The following CA7 variants were observed in gnomAD, a reference collection of about 807,000 sequenced individuals.
CA7 encodes the protein carbonate dehydratase VII.
CA7 carries 13 observed loss-of-function variants against 31.4 expected under a neutral mutation model. The ratio of observed to expected loss-of-function variants is 0.41; its 90% CI spans 0.27 to 0.66. The LOEUF (loss-of-function observed/expected upper bound fraction) is 0.66, where lower values mean the gene tolerates loss of function less well. CA7 is among the 30% of genes least tolerant of loss of function. CA7 has a pLI of 0.28. For synonymous variants in CA7, 128 were observed against 133.2 expected (o/e 0.96, Z 0.27); for missense variants, 215 against 351.0 (o/e 0.61, Z 3.10).
Position 66,851,699 on chromosome 16 carries a change from A to C in CA7, c.489A>C (p.Thr163=), listed in dbSNP as rs1213990609. 6.2e-7 allele frequency: 1 copy of C among 1,614,130 alleles called. No homozygotes were observed. The highest frequency in any genetic ancestry group is 8.5e-7 in the Non-Finnish European group (1 of 1,180,002). ...AGCACCCCAGCATGAATCGTCTGAC[A>C]GATGCGCTCTACATGGTCCGGTTCA... ...GDEHPSMNRL[T]DALYMVRFKG... Residue 163 remains threonine (T), a synonymous_variant, in exon 5 of 7, where the codon ACA becomes ACC. Transcript: ENST00000338437.
Position 66,844,542 on chromosome 16 carries a change from C to T in CA7, c.40+15C>T. ...CCAGGACGACGGTAGGCACAGACCTCCCCCACCGCCTCTGGCTCGGACCCC... is the reference window on the plus strand; with the variant it reads ...CCAGGACGACGGTAGGCACAGACCTTCCCCACCGCCTCTGGCTCGGACCCC... On this transcript the variant is annotated intron_variant, in intron 1 of 6. Transcript: ENST00000338437. 1 of 1,538,142 alleles carries T rather than the reference C, an allele frequency of 6.5e-7. No individual in the cohort carries two copies. The highest frequency in any genetic ancestry group is 8.8e-7 in the Non-Finnish European group (1 of 1,141,038).
At position 66,851,471 on chromosome 16, in the gene CA7, G is replaced by A. The variant is rs753033289; in HGVS notation, c.366G>A (p.Leu122=). ...DGKSFPSELH[L]VHWNAKKYST... ...CTGTTGTTGCCCCATAGCTGCATCTGGTTCACTGGAATGCCAAGAAGTACA... is the reference window on the plus strand; with the variant it reads ...CTGTTGTTGCCCCATAGCTGCATCTAGTTCACTGGAATGCCAAGAAGTACA... The change falls in exon 4 of 7, where the codon CTG becomes CTA. Residue 122 remains leucine, a synonymous_variant. Transcript: ENST00000338437. 2.4e-5 allele frequency: 39 copies of A among 1,613,994 alleles called. 1 individual carries two copies. In the South Asian group the frequency reaches 3.6e-4, roughly 15 times the overall value.
chr16:66,845,350 C>A, intron 1 of CA7: 1 of 410,602 alleles, frequency 2.4e-6, no homozygotes. Flanking sequence ...CCTGGGGAGC[C>A]AGTGCAAGAC....
intron 5 of CA7, 98 bp from the exon 6 acceptor site, chr16:66,852,613 AG>A: frequency 1.2e-6 from 1 of 818,716 alleles, no homozygotes; most frequent in Admixed American, 3.2e-5. Flanking sequence ...AAAAGAAAAA[AG>A]AAAAGAAAAA....
chr16:66,848,781 C>T (rs746359261), intron 2 of CA7, among the ~76,000 whole-genome samples: 1 of 152,178 alleles, frequency 6.6e-6, no homozygotes, highest in Non-Finnish European at 1.5e-5. Flanking sequence ...GGAGCTCCCT[C>T]TCTAGGAGCC....
At chr16:66,847,260 C>T in intron 2 of CA7, 33 bp downstream of exon 2, 3 of 1,596,758 alleles carry the variant, frequency 1.9e-6, no homozygotes, top group Non-Finnish European at 2.6e-6. Flanking sequence ...TGGCACCTGG[C>T]CCCTGGCCCC....
Position 66,851,451 on chromosome 16 carries a change from G to T in CA7, c.358-12G>T. 1.2e-6 allele frequency: 2 copies of T among 1,612,912 alleles called. No individual in the cohort carries two copies. The highest frequency in any genetic ancestry group is 1.7e-6 in the Non-Finnish European group (2 of 1,178,828). On this transcript the variant is annotated splice_polypyrimidine_tract_variant and intron_variant, in intron 3 of 6. Coordinates refer to ENST00000338437, the MANE Select transcript of CA7 (RefSeq NM_005182.3). ...GGGAGGCACGAAGCATTGGCCTGTT[G>T]TTGCCCCATAGCTGCATCTGGTTCA...
intron 2 of CA7, among the ~76,000 whole-genome samples, chr16:66,849,997 G>A (rs1271105499): frequency 6.6e-6 from 1 of 151,888 alleles, no homozygotes; most frequent in Non-Finnish European, 1.5e-5. Flanking sequence ...GCAGGTGCCT[G>A]TAATCCCAGC....
At chr16:66,845,263 C>G in intron 1 of CA7, 1 of 982,202 alleles carries the variant, frequency 1.0e-6, no homozygotes, top group Non-Finnish European at 1.2e-6. Flanking sequence ...GAGTGTGGGT[C>G]TGGGGCAGTC....
chr16:66,851,744 G>T lies in CA7; in HGVS notation c.516+18G>T. ...GGTTCAAGGTAAAGTCCCTGCCCCT[G>T]ACCCAAGCAGCCCGATGGGGAGAGA... On this transcript the variant is annotated intron_variant, in intron 5 of 6. Coordinates refer to ENST00000338437, the MANE Select transcript of CA7 (RefSeq NM_005182.3). 1 of 1,609,218 alleles carries T rather than the reference G, an allele frequency of 6.2e-7. No homozygotes were observed. Among genetic ancestry groups the T allele is most frequent in the Non-Finnish European group, 8.5e-7 (1 of 1,177,384 alleles).
Position 66,849,976 on chromosome 16 carries a change from C to A in CA7, c.239-565C>A, listed in dbSNP as rs1027078767. 2.6e-5 allele frequency among the ~76,000 whole-genome samples: 4 copies of A among 151,720 alleles called. No homozygotes were observed. In the East Asian group the frequency reaches 7.8e-4, roughly 29 times the overall value. ...TCTACTAAAAATACAAAAAATTAGCCGGATGTGGTGGCAGGTGCCTGTAAT... is the reference window on the plus strand; with the variant it reads ...TCTACTAAAAATACAAAAAATTAGCAGGATGTGGTGGCAGGTGCCTGTAAT... On this transcript the variant is annotated intron_variant, in intron 2 of 6. Coordinates refer to ENST00000338437, the MANE Select transcript of CA7 (RefSeq NM_005182.3).
At chr16:66,852,964 C>A in intron 6 of CA7, 97 bp downstream of exon 6, 1 of 1,120,204 alleles carries the variant, frequency 8.9e-7, no homozygotes, top group Admixed American at 2.7e-5. Flanking sequence ...CCCGTGATCC[C>A]ACCTTCAAGG....
intron 2 of CA7, 109 bp downstream of exon 2, chr16:66,847,336 C>T (rs1960950718): frequency 2.2e-6 from 2 of 927,542 alleles, no homozygotes; most frequent in Admixed American, 2.1e-5. Flanking sequence ...AAAGGTTCCT[C>T]CTCTCACCAG....
rs763648531 is a variant in CA7, at chr16:66,847,154, C to T, written c.165C>T (p.Ala55=). ...SLQPLELSYE[A]CMSLSITNNG... ...AACCACTGGAGCTTTCCTATGAGGC[C>T]TGCATGTCCCTCAGCATCACCAACA... The change falls in exon 2 of 7, where the codon GCC becomes GCT. Residue 55 remains alanine (A), a synonymous_variant. Transcript: ENST00000338437. 1.9e-6 allele frequency: 3 copies of T among 1,614,118 alleles called. No homozygotes were observed. Among genetic ancestry groups the T allele is most frequent in the Non-Finnish European group, 2.5e-6 (3 of 1,180,050 alleles).
Position 66,853,485 on chromosome 16 carries a change from C to T in CA7, c.782C>T (p.Ser261Phe), listed in dbSNP as rs1961110801. 1 of 1,613,974 alleles carries T rather than the reference C, an allele frequency of 6.2e-7. No homozygotes were observed. The highest frequency in any genetic ancestry group is 8.5e-7 in the Non-Finnish European group (1 of 1,180,034). ...CTGAAGGGCCGCGTGGTAAAGGCCT[C>T]CTTCCGGGCCTGAGCTGCCCATCTG... ...QPLKGRVVKA[S>F]FRA The change falls in exon 7 of 7, where the codon TCC (serine) becomes TTC (phenylalanine). Residue 261 changes from serine to phenylalanine, a missense_variant. Physicochemically the swap from Ser to Phe is radical, Grantham distance 155. Transcript: ENST00000338437. The surrounding 1 kb of genome is among the most constrained non-coding windows in gnomAD (Gnocchi z 4.5).
chr16:66,851,201 C>G (rs983546539), intron 3 of CA7, among the ~76,000 whole-genome samples: 1 of 152,234 alleles, frequency 6.6e-6, no homozygotes, highest in Non-Finnish European at 1.5e-5. Flanking sequence ...TTTCACAGCT[C>G]GTTCCCTGCA....
intron 1 of CA7, 133 bp downstream of exon 1, chr16:66,844,660 C>A: frequency 1.4e-6 from 1 of 715,348 alleles, no homozygotes; most frequent in East Asian, 3.4e-5. Flanking sequence ...CCCCTCTTCC[C>A]ATCCCGGCCC....
intron 2 of CA7, 121 bp from the exon 3 acceptor site, chr16:66,850,420 A>G (rs1961015085): frequency 2.8e-6 from 2 of 702,988 alleles, no homozygotes; most frequent in Non-Finnish European, 5.2e-6. Context: ...CAGCCTGGGC[A>G]ACAGAGCGAG....
rs569104573 is a variant in CA7 at position 66,853,867 on chromosome 16, C to G, written c.*369C>G. 62 of 211,842 alleles carry G rather than the reference C, an allele frequency of 2.9e-4. No homozygotes were observed. Among genetic ancestry groups the G allele is most frequent in the African/African-American group, 1.4e-3 (61 of 44,306 alleles). The allele number at this position is 211,842 out of a possible 1,614,324, so 13.1% of individuals were successfully genotyped here. On this transcript the variant is annotated 3_prime_UTR_variant, in exon 7 of 7. Coordinates refer to ENST00000338437, the MANE Select transcript of CA7 (RefSeq NM_005182.3). This position sits in a 1 kb window ranked among gnomAD's most constrained non-coding sequence, Gnocchi z 4.5. ...CCCTGGGGCGGGCAGCTGACACTAC[C>G]AGAGAGACTCAAGCAATAATTAGAG...
Sources: allele counts gnomAD v4.1 joint callset (sites outside exome capture counted in the v4.1 genomes callset), GRCh38; gene constraint gnomAD v4.1.1; non-coding constraint Gnocchi (gnomAD v3.1); transcripts MANE v1.5; gene names NCBI Gene and HGNC (gene_info 2026-07-23, HGNC 2026-07-21).